The following NEMP2 variants were observed in gnomAD, a reference collection of about 807,000 sequenced individuals.
NEMP2 encodes the protein UPF0571 transmembrane protein.
NEMP2 carries 53 observed loss-of-function variants against 54.2 expected under a neutral mutation model. The ratio of observed to expected loss-of-function variants is 0.98; its 90% confidence interval spans 0.78 to 1.23. The LOEUF is 1.23. Among genes scored for constraint, NEMP2 ranks in the 50% most tolerant of loss-of-function variants. NEMP2 has a pLI of 0.00. For synonymous variants in NEMP2, 197 were observed against 190.3 expected (o/e 1.04, Z -0.29); for missense variants, 455 against 511.3 (o/e 0.89, Z 1.06).
the NEMP2 span, among the ~76,000 whole-genome samples, chr2:190,590,837 C>T: frequency 6.6e-6 from 1 of 152,100 alleles, no homozygotes. The surrounding 1 kb of genome is among the most constrained non-coding windows in gnomAD (Gnocchi z 5.1). Context: ...ATTTCTTCTA[C>T]CAGAATTCAT....
chr2:190,427,575 C>A, the NEMP2 span, among the ~76,000 whole-genome samples: 2 of 152,124 alleles, frequency 1.3e-5, no homozygotes, highest in African/African-American at 4.8e-5. Flanking sequence ...CCTTGGGTAC[C>A]AAGGTCCATA....
the NEMP2 span, among the ~76,000 whole-genome samples, chr2:190,561,951 T>C: frequency 6.6e-6 from 1 of 152,196 alleles, no homozygotes; most frequent in Non-Finnish European, 1.5e-5. This position sits in a 1 kb window ranked among gnomAD's most constrained non-coding sequence, Gnocchi z 5.4. Context: ...TATTTTACTA[T>C]GTAGTTACTG....
chr2:190,617,335 G>A, the NEMP2 span, among the ~76,000 whole-genome samples: 3 of 151,358 alleles, frequency 2.0e-5, no homozygotes, highest in East Asian at 5.8e-4. This position sits in a 1 kb window ranked among gnomAD's most constrained non-coding sequence, Gnocchi z 5.0. Flanking sequence ...TTTTTTTTCT[G>A]AGAAGTATTC....
chr2:190,500,259 C>T (rs1314680905), downstream of NEMP2: 16 of 1,607,648 alleles, frequency 1.0e-5, no homozygotes, highest in African/African-American at 6.7e-5. This position sits in a 1 kb window ranked among gnomAD's most constrained non-coding sequence, Gnocchi z 5.3. Flanking sequence ...GAATCAGGCT[C>T]CTCAGCCAGG....
the NEMP2 span, among the ~76,000 whole-genome samples, chr2:190,579,225 G>C: frequency 1.3e-5 from 2 of 151,742 alleles, no homozygotes; most frequent in African/African-American, 2.4e-5. Context: ...GAAAACATCA[G>C]CTAGATAAGG....
At chr2:190,452,029 C>A in the NEMP2 span, among the ~76,000 whole-genome samples, 4 of 151,360 alleles carry the variant, frequency 2.6e-5, no homozygotes, top group Non-Finnish European at 5.9e-5. Context: ...GATTCATGTA[C>A]TATCTTTGCT....
At chr2:190,432,869 TACTC>T in the NEMP2 span, among the ~76,000 whole-genome samples, 1 of 145,974 alleles carries the variant, frequency 6.9e-6, no homozygotes, top group Admixed American at 6.8e-5. Flanking sequence ...TTCACTCACT[TACTC>T]ACACATACAC....
chr2:190,563,525 A>G, the NEMP2 span, among the ~76,000 whole-genome samples: 5 of 152,090 alleles, frequency 3.3e-5, no homozygotes, highest in East Asian at 7.7e-4. This position sits in a 1 kb window ranked among gnomAD's most constrained non-coding sequence, Gnocchi z 4.3. Flanking sequence ...AGTCATTTTT[A>G]TGCTTAGATT....
At chr2:190,621,669 C>T in the NEMP2 span, among the ~76,000 whole-genome samples, 2 of 151,830 alleles carry the variant, frequency 1.3e-5, no homozygotes, top group Non-Finnish European at 2.9e-5. Flanking sequence ...ATAATCAAGA[C>T]AGTGCAGTAG....
the NEMP2 span, among the ~76,000 whole-genome samples, chr2:190,561,330 A>C: frequency 6.6e-6 from 1 of 152,208 alleles, no homozygotes; most frequent in Non-Finnish European, 1.5e-5. This position sits in a 1 kb window ranked among gnomAD's most constrained non-coding sequence, Gnocchi z 5.4. Flanking sequence ...AATGAAAACT[A>C]TGTGTATTGG....
the NEMP2 span, among the ~76,000 whole-genome samples, chr2:190,619,632 AAAT>A: frequency 1.3e-5 from 2 of 152,204 alleles, no homozygotes; most frequent in African/African-American, 4.8e-5. This position sits in a 1 kb window ranked among gnomAD's most constrained non-coding sequence, Gnocchi z 5.5. Flanking sequence ...TGTTATATAC[AAAT>A]AATGCAAAGC....
At chr2:190,496,691 C>T in the NEMP2 span, among the ~76,000 whole-genome samples, 6 of 151,804 alleles carry the variant, frequency 4.0e-5, no homozygotes, top group African/African-American at 1.5e-4. This position sits in a 1 kb window ranked among gnomAD's most constrained non-coding sequence, Gnocchi z 4.7. Context: ...TATACACACA[C>T]ACACATATAC....
chr2:190,511,553 ATT>A (rs72470733), intron 7 of NEMP2, among the ~76,000 whole-genome samples: 2,242 of 133,656 alleles, frequency 0.017, 27 homozygotes, highest in African/African-American at 0.058. Flanking sequence ...ATTAAATTTA[ATT>A]TTTTTTTTTT....
downstream of NEMP2, chr2:190,502,171 C>T (rs1291490708): frequency 2.6e-5 from 4 of 152,230 alleles, no homozygotes; most frequent in South Asian, 2.1e-4. This position sits in a 1 kb window ranked among gnomAD's most constrained non-coding sequence, Gnocchi z 4.4. Flanking sequence ...GGAACATTTA[C>T]TGTGACAGCA....
In NEMP2 at chr2:190,516,392, T is replaced by C. The variant is rs1333415146; in HGVS notation, c.613-8A>G. 1.6e-5 allele frequency: 25 copies of C among 1,527,512 alleles called. No homozygotes were observed. Among genetic ancestry groups the C allele is most frequent in the Non-Finnish European group, 2.2e-5 (25 of 1,137,314 alleles). 94.6% of individuals were successfully genotyped at this position (1,527,512 alleles called of 1,614,324 possible). A position where few individuals can be genotyped will look rare whatever the true frequency, so the allele number is the denominator to read the frequency against. On this transcript the variant is annotated splice_region_variant and splice_polypyrimidine_tract_variant and intron_variant, in intron 5 of 8. Transcript: ENST00000409150. Reference sequence around the variant, plus strand: ...AGCCCAAAAGGTGCTATACTGTGTGTGGAAGAAAATAAATGACACATTTTT... The same window carrying C: ...AGCCCAAAAGGTGCTATACTGTGTGCGGAAGAAAATAAATGACACATTTTT...
At chr2:190,438,760 A>C in the NEMP2 span, among the ~76,000 whole-genome samples, 1 of 152,254 alleles carries the variant, frequency 6.6e-6, no homozygotes, top group African/African-American at 2.4e-5. This position sits in a 1 kb window ranked among gnomAD's most constrained non-coding sequence, Gnocchi z 5.2. Context: ...TTTCTATAAG[A>C]AATTAAAGAG....
the NEMP2 span, among the ~76,000 whole-genome samples, chr2:190,593,183 G>A: frequency 6.6e-6 from 1 of 152,196 alleles, no homozygotes; most frequent in Admixed American, 6.5e-5. The surrounding 1 kb of genome is among the most constrained non-coding windows in gnomAD (Gnocchi z 4.5). Context: ...CCGATCAGCC[G>A]CAAAGGCATC....
At chr2:190,549,264 A>G in the NEMP2 span, among the ~76,000 whole-genome samples, 1 of 152,232 alleles carries the variant, frequency 6.6e-6, no homozygotes, top group East Asian at 1.9e-4. Context: ...CTTTCATAAA[A>G]TGTCTGACTG....
chr2:190,526,188 G>A (rs755039751), intron 1 of NEMP2, among the ~76,000 whole-genome samples: 4 of 152,188 alleles, frequency 2.6e-5, no homozygotes, highest in Non-Finnish European at 5.9e-5. Flanking sequence ...TGGGAAGACA[G>A]TAGTCTAAAG....
Sources: gnomAD v4.1 joint callset for allele counts (sites outside exome capture counted in the v4.1 genomes callset) on GRCh38, gnomAD v4.1.1 for gene constraint, Gnocchi (gnomAD v3.1) non-coding constraint, MANE v1.5 for transcripts, NCBI Gene and HGNC (gene_info 2026-07-23, HGNC 2026-07-21) for gene names.